SMIM14: variants seen among roughly 807,000 people sequenced by gnomAD.
SMIM14 encodes small integral membrane protein 14.
Under a neutral mutation model 12.6 loss-of-function variants are expected in SMIM14, and 5 were observed. The ratio of observed to expected loss-of-function variants is 0.40; its 90% CI spans 0.21 to 0.83. The LOEUF (loss-of-function observed/expected upper bound fraction) is 0.83. SMIM14 is among the 40% of genes least tolerant of loss of function. The probability of loss-of-function intolerance (pLI) is 0.37; values close to 1 mark genes in which losing one functional copy is unlikely to be tolerated. For missense variants in SMIM14, 86 were observed against 119.1 expected (o/e 0.72, Z 1.29); for synonymous variants, 30 against 40.1 (o/e 0.75, Z 0.95).
intron 2 of SMIM14, among the ~76,000 whole-genome samples, chr4:39,574,748 T>C (rs960071087): frequency 5.9e-5 from 9 of 152,138 alleles, no homozygotes; most frequent in African/African-American, 2.2e-4. Context: ...TGACTTCAAC[T>C]AAACAACTAT....
rs1747405901 is a variant in SMIM14 at position 39,547,943 on chromosome 4, T to C, written c.*4183A>G. On this transcript the variant is annotated 3_prime_UTR_variant, in exon 5 of 5. Transcript: ENST00000295958. Reference sequence around the variant, plus strand: ...TTTTTGAGACGGAGTTTCACTCTTGTTGCCCAGGCTGGAGTGCAATGGCGT... The same window carrying C: ...TTTTTGAGACGGAGTTTCACTCTTGCTGCCCAGGCTGGAGTGCAATGGCGT... The C allele has an allele frequency of 2.0e-5, 3 of 152,326 alleles. No individual in the cohort carries two copies. Among genetic ancestry groups the C allele is most frequent in the African/African-American group, 7.2e-5 (3 of 41,480 alleles). The allele number at this position is 152,326 out of a possible 1,614,324, so 9.4% of individuals were successfully genotyped here.
intron 3 of SMIM14, among the ~76,000 whole-genome samples, chr4:39,571,199 C>T (rs529120832): frequency 9.3e-4 from 142 of 152,170 alleles, no homozygotes; most frequent in African/African-American, 2.9e-3. Context: ...TTCTCTGATG[C>T]GCATGTTAAT....
chr4:39,634,413 C>T (rs528700603), intron 1 of SMIM14, among the ~76,000 whole-genome samples: 1 of 152,164 alleles, frequency 6.6e-6, no homozygotes, highest in Non-Finnish European at 1.5e-5. Context: ...CAGTAGGGTA[C>T]AGTGATTAAA....
intron 2 of SMIM14, among the ~76,000 whole-genome samples, chr4:39,576,602 G>A (rs1413632573): frequency 4.4e-5 from 6 of 135,788 alleles, no homozygotes; most frequent in Non-Finnish European, 9.2e-5. Context: ...TTCTCTGACT[G>A]CCTCCAACTC....
At chr4:39,593,288 A>G (rs1714194313) in intron 2 of SMIM14, 1 of 152,230 alleles carries the variant, frequency 6.6e-6, no homozygotes, top group Non-Finnish European at 1.5e-5. Flanking sequence ...TATAAACAGA[A>G]CCAAAGACAA....
In SMIM14 at chr4:39,551,453, C is replaced by G. The variant is rs182845092; in HGVS notation, c.*673G>C. On this transcript the variant is annotated 3_prime_UTR_variant, in exon 5 of 5. Transcript: ENST00000295958. ...ATCAATCATGTTTATTTAAGGTTTT[C>G]TTAACATTAGAGATTTTTAATGGGA... is the stretch of plus-strand genomic sequence containing the variant. 2 of 152,596 alleles carry G rather than the reference C, an allele frequency of 1.3e-5. No homozygotes were observed. Among genetic ancestry groups the G allele is most frequent in the Admixed American group, 6.5e-5 (1 of 15,276 alleles). 9.5% of individuals were successfully genotyped at this position (152,596 alleles called of 1,614,324 possible).
At chr4:39,552,544 C>T (rs1578304160) in intron 4 of SMIM14, among the ~76,000 whole-genome samples, 2 of 152,118 alleles carry the variant, frequency 1.3e-5, no homozygotes, top group South Asian at 4.1e-4. Context: ...AAGCAAAGTA[C>T]TGTATATTTA....
At chr4:39,637,612 AGT>A (rs1333632390) in intron 1 of SMIM14, among the ~76,000 whole-genome samples, 1 of 150,304 alleles carries the variant, frequency 6.7e-6, no homozygotes. Flanking sequence ...AAAAAAAAAA[AGT>A]TAGGACAAAA....
intron 3 of SMIM14, among the ~76,000 whole-genome samples, chr4:39,556,942 C>T (rs1712046618): frequency 6.6e-6 from 1 of 152,110 alleles, no homozygotes; most frequent in African/African-American, 2.4e-5. Flanking sequence ...TGTGTGCCAC[C>T]ATGCCCCATG....
rs760644835 is a variant in SMIM14, at chr4:39,558,802, G to A, written c.125-2232C>T. ...CAGCTCACTGCAACCTCCACCTCCC[G>A]GGTTCAAGCAATTCTCCTGTCTCAG... is the stretch of plus-strand genomic sequence containing the variant. On this transcript the variant is annotated intron_variant, in intron 3 of 4. Transcript: ENST00000295958. The surrounding 1 kb of genome is among the most constrained non-coding windows in gnomAD (Gnocchi z 4.3). 1.3e-5 allele frequency among the ~76,000 whole-genome samples: 2 copies of A among 151,978 alleles called. No homozygotes were observed. The highest frequency in any genetic ancestry group is 1.9e-4 in the East Asian group (1 of 5,158).
At chr4:39,619,855 T>C (rs1715402262) in intron 1 of SMIM14, among the ~76,000 whole-genome samples, 1 of 60,122 alleles carries the variant, frequency 1.7e-5, no homozygotes, top group African/African-American at 1.2e-4. Context: ...TATATTTATA[T>C]ATATTTATAT....
intron 1 of SMIM14, among the ~76,000 whole-genome samples, chr4:39,618,415 G>A (rs55660547): frequency 0.07 from 10,661 of 152,004 alleles, 1,264 homozygotes; most frequent in African/African-American, 0.24. Flanking sequence ...TTGGGAGGCC[G>A]AGGTGGGTGG....
chr4:39,587,676 C>T (rs975369507), intron 2 of SMIM14, among the ~76,000 whole-genome samples: 2 of 150,640 alleles, frequency 1.3e-5, no homozygotes, highest in Non-Finnish European at 2.9e-5. Flanking sequence ...GAGGTCAAGG[C>T]AGGAGGAACG....
intron 2 of SMIM14, among the ~76,000 whole-genome samples, chr4:39,602,893 T>C (rs1051838000): frequency 2.0e-5 from 3 of 152,348 alleles, no homozygotes; most frequent in East Asian, 1.9e-4. Flanking sequence ...TTATTAGTTA[T>C]TGACAACTTA....
intron 4 of SMIM14, among the ~76,000 whole-genome samples, chr4:39,552,910 TG>T (rs1711795594): frequency 6.6e-6 from 1 of 152,124 alleles, no homozygotes; most frequent in Admixed American, 6.6e-5. Flanking sequence ...ACGCCCGAGT[TG>T]GGGGTGATCA....
chr4:39,576,002 T>A (rs1713150232), intron 2 of SMIM14, among the ~76,000 whole-genome samples: 1 of 151,866 alleles, frequency 6.6e-6, no homozygotes, highest in Admixed American at 6.6e-5. Context: ...CAAGTGATTG[T>A]CCTGCCTCAG....
intron 2 of SMIM14, among the ~76,000 whole-genome samples, chr4:39,572,684 T>G (rs1055856354): frequency 1.3e-5 from 2 of 151,968 alleles, no homozygotes; most frequent in Non-Finnish European, 2.9e-5. Context: ...TAGCCAGGTG[T>G]GGTGGTGTGT....
At chr4:39,593,688 AGC>A (rs1714221202) in intron 2 of SMIM14, 1 of 151,506 alleles carries the variant, frequency 6.6e-6, no homozygotes, top group Non-Finnish European at 1.5e-5. Flanking sequence ...TAAGCTGATA[AGC>A]AACTTCAGCA....
intron 3 of SMIM14, among the ~76,000 whole-genome samples, chr4:39,564,184 C>T (rs529450443): frequency 5.3e-5 from 8 of 152,272 alleles, no homozygotes; most frequent in Non-Finnish European, 1.2e-4. Context: ...TATAGGTTTC[C>T]GCTGGGGAAA....
Sources: gnomAD v4.1 joint callset for allele counts (sites outside exome capture counted in the v4.1 genomes callset) on GRCh38, gnomAD v4.1.1 for gene constraint, Gnocchi (gnomAD v3.1) non-coding constraint, MANE v1.5 for transcripts, NCBI Gene and HGNC (gene_info 2026-07-23, HGNC 2026-07-21) for gene names.